Variants in NFIL3 observed in about 807,000 individuals in gnomAD.
NFIL3 encodes the protein nuclear factor interleukin-3-regulated protein.
In NFIL3, 5 loss-of-function variants were observed where a neutral mutation model predicts 10.0. The observed-to-expected ratio is 0.50, with a 90% CI of 0.26 to 1.06. NFIL3 has a LOEUF of 1.06. Among genes scored for constraint, NFIL3 ranks in the 50% least tolerant of loss-of-function variants. The probability of loss-of-function intolerance (pLI) is 0.13; values close to 1 mark genes in which losing one functional copy is unlikely to be tolerated. For synonymous variants in NFIL3, 202 were observed against 206.5 expected, an observed-to-expected ratio of 0.98 and a Z score of 0.19; for missense variants, 436 against 547.6, an observed-to-expected ratio of 0.80 and a Z score of 2.03.
rs557619256 is a variant in NFIL3 at position 91,415,589 on chromosome 9, G to A, written c.-172-4683C>T. On this transcript the variant is annotated intron_variant, in intron 1 of 1. Coordinates refer to ENST00000297689, the MANE Select transcript of NFIL3 (RefSeq NM_005384.3). ...ACCCTTTTACTAAGTTACTTTGGGC[G>A]CAGTAAGGCACTATGCTAACTTAAC... 5.3e-5 allele frequency among the ~76,000 whole-genome samples: 8 copies of A among 150,274 alleles called. No homozygotes were observed. The South Asian group carries it at 6.3e-4, about 12-fold the overall frequency.
chr9:91,409,158 ACAGG>A lies in NFIL3; in HGVS notation c.*184_*187del. 1.7e-6 allele frequency: 1 copy of A among 576,060 alleles called. No homozygotes were observed. Among genetic ancestry groups the A allele is most frequent in the Non-Finnish European group, 3.0e-6 (1 of 336,410 alleles). 35.7% of individuals were successfully genotyped at this position (576,060 alleles called of 1,614,324 possible). On this transcript the variant is annotated 3_prime_UTR_variant, in exon 2 of 2. Transcript: ENST00000297689. The stretch of plus-strand genomic sequence containing the variant: ...CTTCGCATGGACTATCTGACTATAC[ACAGG>A]CAGAGTGATAACACAATCTAATCTT...
At chr9:91,447,108 G>A in the NFIL3 span, among the ~76,000 whole-genome samples, 4 of 152,090 alleles carry the variant, frequency 2.6e-5, no homozygotes, top group Non-Finnish European at 4.4e-5. Context: ...GAGCCACTGC[G>A]CCCGGCCCTG....
In NFIL3 at chr9:91,409,599, G is replaced by A. The variant is rs1564154222; in HGVS notation, c.1136C>T (p.Thr379Ile). ...SAPSMVHSSL[T>I]PFSVQVTNIQ... ...GTTAGTCACTTGCACTGAGAAAGGA[G>A]TAAGAGAAGAATGTACCATACTTGG... The change falls in exon 2 of 2, where the codon ACT becomes ATT. Residue 379 changes from threonine (T) to isoleucine (I), a missense_variant. Transcript: ENST00000297689. 3.1e-6 allele frequency: 5 copies of A among 1,614,114 alleles called. No individual in the cohort carries two copies. The highest frequency in any genetic ancestry group is 1.1e-5 in the South Asian group (1 of 91,092).
At chr9:91,428,732 AAG>A (rs1439351305), upstream of NFIL3, among the ~76,000 whole-genome samples, 1 of 152,248 alleles carries the variant, frequency 6.6e-6, no homozygotes, top group African/African-American at 2.4e-5. Flanking sequence ...AAAGACCAGA[AAG>A]AGGTGATTTT....
At chr9:91,453,817 A>G in the NFIL3 span, among the ~76,000 whole-genome samples, 5 of 152,084 alleles carry the variant, frequency 3.3e-5, no homozygotes, top group Non-Finnish European at 7.3e-5. Flanking sequence ...CTGACTTGAG[A>G]TTTATCTTTT....
At chr9:91,473,705 G>A in the NFIL3 span, among the ~76,000 whole-genome samples, 19 of 152,190 alleles carry the variant, frequency 1.2e-4, no homozygotes, top group Non-Finnish European at 1.8e-4. Flanking sequence ...CTCACCCTCC[G>A]TGGGCTGCAC....
chr9:91,428,191 T>A (rs966199804), upstream of NFIL3, among the ~76,000 whole-genome samples: 1 of 152,364 alleles, frequency 6.6e-6, no homozygotes, highest in Non-Finnish European at 1.5e-5. Flanking sequence ...CTTTGCCTTT[T>A]CTTGTAGTTT....
chr9:91,463,694 C>T, the NFIL3 span, among the ~76,000 whole-genome samples: 15 of 152,128 alleles, frequency 9.9e-5, no homozygotes, highest in African/African-American at 3.6e-4. Flanking sequence ...GGTAGTGACA[C>T]TCAGGTTGTC....
At chr9:91,482,373 A>T in the NFIL3 span, among the ~76,000 whole-genome samples, 1 of 152,158 alleles carries the variant, frequency 6.6e-6, no homozygotes, top group Non-Finnish European at 1.5e-5. Context: ...TATGGCAAAG[A>T]GTACATCTGG....
the NFIL3 span, among the ~76,000 whole-genome samples, chr9:91,479,044 A>G: frequency 6.6e-6 from 1 of 152,146 alleles, no homozygotes; most frequent in Non-Finnish European, 1.5e-5. Flanking sequence ...CATCTGCCAG[A>G]TGCCAGCCGG....
At chr9:91,414,817 T>A (rs1197495087) in intron 1 of NFIL3, among the ~76,000 whole-genome samples, 9 of 152,238 alleles carry the variant, frequency 5.9e-5, no homozygotes. Context: ...CACGTGTTTG[T>A]CTTTTGTGCC....
chr9:91,465,129 G>T, the NFIL3 span, among the ~76,000 whole-genome samples: 1 of 152,022 alleles, frequency 6.6e-6, no homozygotes, highest in African/African-American at 2.4e-5. Context: ...ATAGTTTGGT[G>T]TCTGTCATTA....
the NFIL3 span, among the ~76,000 whole-genome samples, chr9:91,440,061 A>AT: frequency 1.3e-5 from 2 of 151,984 alleles, no homozygotes; most frequent in African/African-American, 4.8e-5. Flanking sequence ...CTGTAGCCCT[A>AT]TTTTTTGGAA....
rs1833490573 is a variant in NFIL3, at chr9:91,409,317, TA to T, written c.*28del. 2.0e-6 allele frequency: 3 copies of T among 1,524,202 alleles called. No homozygotes were observed. In the East Asian group the frequency reaches 6.8e-5, roughly 35 times the overall value. The allele number at this position is 1,524,202 out of a possible 1,614,324, so 94.4% of individuals were successfully genotyped here. A position where few individuals can be genotyped will look rare whatever the true frequency, so the allele number is the denominator to read the frequency against. On this transcript the variant is annotated 3_prime_UTR_variant, in exon 2 of 2. Coordinates refer to ENST00000297689, the MANE Select transcript of NFIL3 (RefSeq NM_005384.3). ...TGCTCTATTGCAAATGACATCTTTC[TA>T]AATGCCCAGCTCTTACTCAGTAGTA...
chr9:91,466,487 G>A, the NFIL3 span, among the ~76,000 whole-genome samples: 1 of 152,164 alleles, frequency 6.6e-6, no homozygotes, highest in Non-Finnish European at 1.5e-5. Flanking sequence ...GGATATGTAT[G>A]TTTGTATAAT....
the NFIL3 span, among the ~76,000 whole-genome samples, chr9:91,452,787 CAAAAAAAAAAAAA>C: frequency 1.7e-5 from 1 of 59,874 alleles, no homozygotes; most frequent in Non-Finnish European, 3.3e-5. Flanking sequence ...AACTCTGTCT[CAAAAAAAAAAAAA>C]AAAAAAAAGC....
the NFIL3 span, among the ~76,000 whole-genome samples, chr9:91,430,955 G>A: frequency 2.6e-5 from 4 of 152,218 alleles, no homozygotes; most frequent in Non-Finnish European, 5.9e-5. Flanking sequence ...GTATTCTACA[G>A]GCAGGAATCA....
the NFIL3 span, among the ~76,000 whole-genome samples, chr9:91,448,119 CT>C: frequency 5.1e-4 from 78 of 151,988 alleles, no homozygotes; most frequent in Middle Eastern, 3.4e-3. Flanking sequence ...TGTCAAATGT[CT>C]TTTTTTTCAA....
chr9:91,475,883 A>G, the NFIL3 span, among the ~76,000 whole-genome samples: 1 of 152,248 alleles, frequency 6.6e-6, no homozygotes, highest in East Asian at 1.9e-4. Flanking sequence ...ATGCAAAAAT[A>G]CTAACTGGAG....
Sources: allele counts gnomAD v4.1 joint callset (sites outside exome capture counted in the v4.1 genomes callset), GRCh38; gene constraint gnomAD v4.1.1; transcripts MANE v1.5; gene names NCBI Gene and HGNC (gene_info 2026-07-23, HGNC 2026-07-21).